Variants in TJP1 observed in about 807,000 individuals in gnomAD.
TJP1 encodes tight junction protein 1, also known as tight junction protein ZO-1.
In TJP1, 43 loss-of-function variants were observed where a neutral mutation model predicts 194.2. The ratio of observed to expected loss-of-function variants is 0.22; its 90% CI spans 0.17 to 0.29. The LOEUF is 0.29. TJP1 is among the 10% of genes least tolerant of loss of function. The pLI, the probability that TJP1 is intolerant of heterozygous loss-of-function variation, is 1.00. For synonymous variants in TJP1, 801 were observed against 779.0 expected (o/e 1.03, Z -0.47); for missense variants, 1,971 against 2,185.7 (o/e 0.90, Z 1.96).
Position 29,709,168 on chromosome 15 carries a change from C to A in TJP1, c.4373-132G>T. The A allele has an allele frequency of 5.0e-6, 4 of 805,888 alleles. 1 individual carries two copies. The South Asian group carries it at 7.2e-5, about 14-fold the overall frequency. 49.9% of individuals were successfully genotyped at this position (805,888 alleles called of 1,614,324 possible). A position where few individuals can be genotyped will look rare whatever the true frequency, so the allele number is the denominator to read the frequency against. On this transcript the variant is annotated intron_variant, in intron 24 of 27. Transcript: ENST00000614355. ...GCACAGCCAGAGCCTGACTCTTGAG[C>A]CCTGGAGGCTAGGTGTGATGCTGAG...
intron 2 of TJP1, among the ~76,000 whole-genome samples, chr15:29,845,496 A>T (rs2051372285): frequency 6.6e-6 from 1 of 152,188 alleles, no homozygotes; most frequent in African/African-American, 2.4e-5. Flanking sequence ...AAAGAAGACA[A>T]ATGTCAATTT....
chr15:29,767,767 G>C (rs1192026136), intron 4 of TJP1, among the ~76,000 whole-genome samples: 1 of 151,792 alleles, frequency 6.6e-6, no homozygotes, highest in Non-Finnish European at 1.5e-5. Flanking sequence ...AATTTTTTCA[G>C]TATTTCCCCT....
At chr15:29,776,626 T>C (rs1021342735) in intron 2 of TJP1, among the ~76,000 whole-genome samples, 4 of 152,210 alleles carry the variant, frequency 2.6e-5, no homozygotes, top group Admixed American at 6.5e-5. Context: ...TTTTACACTC[T>C]GAATGAGTAT....
chr15:29,867,250 T>G (rs1775634037), intron 2 of TJP1, among the ~76,000 whole-genome samples: 1 of 152,176 alleles, frequency 6.6e-6, no homozygotes, highest in Admixed American at 6.5e-5. Flanking sequence ...ATATTAGAAG[T>G]CATTTAACTG....
intron 2 of TJP1, among the ~76,000 whole-genome samples, chr15:29,865,387 A>G (rs937501515): frequency 5.3e-5 from 8 of 152,212 alleles, no homozygotes; most frequent in Non-Finnish European, 7.3e-5. Flanking sequence ...TTACCCTGCC[A>G]GGCCCACTGC....
At chr15:29,852,779 C>T (rs964631891) in intron 2 of TJP1, among the ~76,000 whole-genome samples, 1 of 152,008 alleles carries the variant, frequency 6.6e-6, no homozygotes, top group Non-Finnish European at 1.5e-5. Context: ...TGGTGCATGC[C>T]TGTAGTCCCA....
chr15:29,716,501 G>A (rs2042571410), intron 23 of TJP1, 110 bp downstream of exon 23: 1 of 800,952 alleles, frequency 1.2e-6, no homozygotes, highest in Non-Finnish European at 1.9e-6. Context: ...AACCACTAGA[G>A]CCTACAGAAA....
intron 2 of TJP1, among the ~76,000 whole-genome samples, chr15:29,924,862 G>A (rs796800036): frequency 1.2e-4 from 19 of 152,324 alleles, no homozygotes; most frequent in African/African-American, 4.6e-4. Flanking sequence ...ATGCTGGTAG[G>A]GGCTAGGCCC....
At chr15:29,826,409 C>G (rs192398297), upstream of TJP1, among the ~76,000 whole-genome samples, 62 of 134,384 alleles carry the variant, frequency 4.6e-4, no homozygotes, top group African/African-American at 1.7e-3. Flanking sequence ...CTCCATTCTT[C>G]ACAGCTTCTC....
chr15:29,718,106 C>T lies in TJP1; in HGVS notation c.3889G>A (p.Ala1297Thr), dbSNP rs1429934351. 9 of 1,588,298 alleles carry T rather than the reference C, an allele frequency of 5.7e-6. No homozygotes were observed. The South Asian group carries it at 1.0e-4, about 18-fold the overall frequency. Residue 1297 changes from alanine to threonine, a missense_variant, in exon 22 of 28, where the codon GCA becomes ACA. Ala to Thr is a moderately conservative substitution (Grantham distance 58, BLOSUM62 0). Around this residue, in one of 5 missense-constraint regions of TJP1, gnomAD observed 1,108 missense variants for 1,128.5 expected, o/e 0.98. Transcript: ENST00000614355. ...ATGGGAGCACCTGAAGGTTTAGATG[C>T]TACTTCTGGAGGCTGTTTAAAAAAA... ...DTGSFKPPEV[A>T]SKPSGAPIIG...
chr15:29,732,470 C>A lies in TJP1; in HGVS notation c.1980G>T (p.Lys660Asn). Residue 660 changes from lysine (K) to asparagine (N), a missense_variant, in exon 15 of 28, where the codon AAG (lysine) becomes AAT (asparagine). Transcript: ENST00000614355. ...FGPIADVARE[K>N]LAREEPDIYQ... ...AAATATCTGGTTCTTCTCTTGCCAG[C>A]TTTTCTCTGGCAACATCAGCTATTG... The A allele has an allele frequency of 6.2e-7, 1 of 1,613,960 alleles. No homozygotes were observed. Among genetic ancestry groups the A allele is most frequent in the Non-Finnish European group, 8.5e-7 (1 of 1,180,026 alleles).
At chr15:29,703,841 C>T (rs2041715814) in intron 27 of TJP1, among the ~76,000 whole-genome samples, 1 of 152,050 alleles carries the variant, frequency 6.6e-6, no homozygotes, top group Non-Finnish European at 1.5e-5. Flanking sequence ...TGGGGTTTCA[C>T]CATGTTGGTC....
intron 8 of TJP1, among the ~76,000 whole-genome samples, chr15:29,752,636 AC>A (rs1447655587): frequency 5.3e-5 from 8 of 152,194 alleles, no homozygotes; most frequent in Non-Finnish European, 8.8e-5. Context: ...CAATGAAGTA[AC>A]CTGAAATCCC....
At position 29,731,079 on chromosome 15, in the gene TJP1, C is replaced by CCTTTTTTTTTTTTTTT. The variant is rs1472574240; in HGVS notation, c.2017+1353_2017+1354insAAAAAAAAAAAAAAAG. 5.5e-6 allele frequency: 3 copies of CCTTTTTTTTTTTTTTT among 545,176 alleles called. 1 individual carries two copies. Among genetic ancestry groups the CCTTTTTTTTTTTTTTT allele is most frequent in the Non-Finnish European group, 9.6e-6 (3 of 312,316 alleles). 33.8% of individuals were successfully genotyped at this position (545,176 alleles called of 1,614,324 possible). On this transcript the variant is annotated intron_variant, in intron 15 of 27. Coordinates refer to ENST00000614355, the MANE Select transcript of TJP1 (RefSeq NM_001330239.4). ...TATAAAAATGCAGAATTTTGTTTTA[C>CCTTTTTTTTTTTTTTT]TTTTTTTTTTTTTTTTTTAAGCTAT...
At chr15:29,732,604 T>C in intron 14 of TJP1, 27 bp downstream of exon 14, 2 of 1,613,438 alleles carry the variant, frequency 1.2e-6, no homozygotes, top group South Asian at 2.2e-5. Flanking sequence ...TAAAGGGTAT[T>C]AGGTTAGTCT....
intron 2 of TJP1, among the ~76,000 whole-genome samples, chr15:29,858,228 T>A (rs970172440): frequency 1.3e-5 from 2 of 152,006 alleles, no homozygotes; most frequent in African/African-American, 4.8e-5. Context: ...TGTCGAAACT[T>A]CGTCTCTATA....
intron 2 of TJP1, among the ~76,000 whole-genome samples, chr15:29,926,644 A>C (rs1200285275): frequency 6.6e-6 from 1 of 152,088 alleles, no homozygotes; most frequent in African/African-American, 2.4e-5. Context: ...TTTGGGGACA[A>C]GAAATGAATT....
chr15:29,871,055 G>A (rs1224693025), intron 2 of TJP1, among the ~76,000 whole-genome samples: 1 of 152,120 alleles, frequency 6.6e-6, no homozygotes, highest in African/African-American at 2.4e-5. Context: ...ATTTCCCAGA[G>A]GCAAGCTCTG....
intron 1 of TJP1, among the ~76,000 whole-genome samples, chr15:29,958,983 T>C (rs1442279192): frequency 6.7e-6 from 1 of 150,240 alleles, no homozygotes; most frequent in Non-Finnish European, 1.5e-5. Context: ...CTAAAGTAGC[T>C]AGTTTTTTTT....
Sources: allele counts gnomAD v4.1 joint callset (sites outside exome capture counted in the v4.1 genomes callset), GRCh38; gene constraint gnomAD v4.1.1; regional missense constraint gnomAD v4.1.1; transcripts MANE v1.5; gene names NCBI Gene and HGNC (gene_info 2026-07-23, HGNC 2026-07-21).